The following CAMK2G variants were observed in gnomAD, a reference collection of about 807,000 sequenced individuals.
CAMK2G encodes calcium/calmodulin dependent protein kinase II gamma.
Under a neutral mutation model 88.7 loss-of-function variants are expected in CAMK2G, and 23 were observed. The observed-to-expected ratio is 0.26, with a 90% CI of 0.19 to 0.37. CAMK2G has a LOEUF of 0.37. CAMK2G is among the 10% of genes least tolerant of loss of function. The probability of loss-of-function intolerance (pLI) is 1.00; values close to 1 mark genes in which losing one functional copy is unlikely to be tolerated. For synonymous variants in CAMK2G, 263 were observed against 294.8 expected, an observed-to-expected ratio of 0.89 and a Z score of 1.11; for missense variants, 476 against 780.8, an observed-to-expected ratio of 0.61 and a Z score of 4.65.
chr10:73,820,037 G>A (rs1484945421), intron 18 of CAMK2G, among the ~76,000 whole-genome samples: 1 of 152,174 alleles, frequency 6.6e-6, no homozygotes, highest in Admixed American at 6.5e-5. Context: ...TCACTCACAG[G>A]GGCCTGGAGC....
Position 73,842,098 on chromosome 10 carries a change from C to A in CAMK2G, c.946+71G>T. On this transcript the variant is annotated intron_variant, in intron 12 of 22. Coordinates refer to ENST00000423381, the MANE Select transcript of CAMK2G (RefSeq NM_001367534.1). This position sits in a 1 kb window ranked among gnomAD's most constrained non-coding sequence, Gnocchi z 4.6. ...GACGCCGAGGAAACCCAGCGGTGCC[C>A]GGGATGGCAACAGCCCATTCCTGAT... is the stretch of plus-strand genomic sequence containing the variant. 15 of 1,261,506 alleles carry A rather than the reference C, an allele frequency of 1.2e-5. No individual in the cohort carries two copies. Among genetic ancestry groups the A allele is most frequent in the Non-Finnish European group, 1.7e-5 (15 of 858,456 alleles). The allele number at this position is 1,261,506 out of a possible 1,614,324, so 78.1% of individuals were successfully genotyped here.
At chr10:73,827,075 G>A (rs2091177212) in intron 15 of CAMK2G, among the ~76,000 whole-genome samples, 1 of 152,190 alleles carries the variant, frequency 6.6e-6, no homozygotes, top group African/African-American at 2.4e-5. Context: ...GTTAGAGAGG[G>A]CTGCCCTACC....
At chr10:73,851,346 G>A (rs2094599550) in intron 5 of CAMK2G, among the ~76,000 whole-genome samples, 1 of 152,190 alleles carries the variant, frequency 6.6e-6, no homozygotes, top group African/African-American at 2.4e-5. Flanking sequence ...GAGAGCGTGG[G>A]TGAGGGAGGC....
In CAMK2G at chr10:73,874,482, G is replaced by A; in HGVS notation, c.-21C>T. ...GCCATGCTGGCGGGCGGGCGGACGC[G>A]GCGGTGCAGCCCGCGCCGACGTCGG... On this transcript the variant is annotated 5_prime_UTR_variant, in exon 1 of 23. Coordinates refer to ENST00000423381, the MANE Select transcript of CAMK2G (RefSeq NM_001367534.1). 5 of 1,478,704 alleles carry A rather than the reference G, an allele frequency of 3.4e-6. No homozygotes were observed. The highest frequency in any genetic ancestry group is 2.6e-5 in the South Asian group (2 of 76,844). 91.6% of individuals were successfully genotyped at this position (1,478,704 alleles called of 1,614,324 possible). A position where few individuals can be genotyped will look rare whatever the true frequency, so the allele number is the denominator to read the frequency against.
chr10:73,866,851 A>G (rs1301143127), intron 2 of CAMK2G, among the ~76,000 whole-genome samples: 1 of 152,182 alleles, frequency 6.6e-6, no homozygotes, highest in Non-Finnish European at 1.5e-5. Context: ...CCAGCTGCTT[A>G]TGCACAGCCC....
Position 73,819,548 on chromosome 10 carries a change from A to T in CAMK2G, c.1347T>A (p.Ser449=). 1 of 1,549,358 alleles carries T rather than the reference A, an allele frequency of 6.5e-7. No individual in the cohort carries two copies. The highest frequency in any genetic ancestry group is 8.7e-7 in the Non-Finnish European group (1 of 1,146,398). ...CACACTTACTGGCTGAGGAGCAGAG[A>T]GAAGGCTGGGGCTGCATGCCTGCAG... The part of the protein sequence containing the change: ...APSAGMQPQP[S]LCSSAMRKQE... The change falls in exon 19 of 23, where the codon TCT becomes TCA. Residue 449 remains serine (S), a synonymous_variant. Coordinates refer to ENST00000423381, the MANE Select transcript of CAMK2G (RefSeq NM_001367534.1).
intron 21 of CAMK2G, chr10:73,816,604 G>A (rs1180895654): frequency 6.7e-6 from 4 of 595,700 alleles, no homozygotes; most frequent in Non-Finnish European, 1.0e-5. Context: ...GGGACTACAG[G>A]CACCGCCACC....
chr10:73,862,294 TCCACC>T lies in CAMK2G; in HGVS notation c.161-1410_161-1406del, dbSNP rs1458751996. ...GTAGACTGTGACTTCTCCCTCCTACTCCACCCCCCCCCCCCCCGATTTCCCAATGC... is the reference window on the plus strand; with the variant it reads ...GTAGACTGTGACTTCTCCCTCCTACTCCCCCCCCCCCCGATTTCCCAATGC... On this transcript the variant is annotated intron_variant, in intron 2 of 22. Transcript: ENST00000423381. Among the ~76,000 whole-genome samples the T allele has an allele frequency of 1.5e-4, 7 of 46,464 alleles. 1 individual carries two copies. In the Admixed American group the frequency reaches 2.0e-3, roughly 13 times the overall value. The allele number at this position is 46,464 out of a possible 152,430, so 30.5% of individuals were successfully genotyped here.
chr10:73,842,785 G>A lies in CAMK2G; in HGVS notation c.820-244C>T, dbSNP rs1012363089. Among the ~76,000 whole-genome samples the A allele has an allele frequency of 6.6e-6, 1 of 152,210 alleles. No homozygotes were observed. The highest frequency in any genetic ancestry group is 1.5e-5 in the Non-Finnish European group (1 of 68,038). On this transcript the variant is annotated intron_variant, in intron 10 of 22. Transcript: ENST00000423381. This position sits in a 1 kb window ranked among gnomAD's most constrained non-coding sequence, Gnocchi z 4.6. ...TAACGGATGCTAGACGGGCTGCTGA[G>A]AGACCGTCCTATTCTTCCTTGGGAA... is the stretch of plus-strand genomic sequence containing the variant.
intron 14 of CAMK2G, among the ~76,000 whole-genome samples, chr10:73,830,966 T>A (rs2092332832): frequency 1.3e-5 from 2 of 152,182 alleles, no homozygotes; most frequent in African/African-American, 4.8e-5. Context: ...GAAGAATCCA[T>A]GATGCTGAAA....
At chr10:73,853,162 G>GC (rs780300834) in intron 4 of CAMK2G, 30 bp downstream of exon 4, 1 of 1,605,766 alleles carries the variant, frequency 6.2e-7, no homozygotes, top group African/African-American at 1.3e-5. Context: ...AGAGGGAAAG[G>GC]CCCCCACACC....
chr10:73,817,562 G>A lies in CAMK2G; in HGVS notation c.1364-8C>T, dbSNP rs1177644591. ...TGATCTCCTGTTTTCGCACTGTGGGGGAGAAAAATCCATCAATTTACCTAC... is the reference window on the plus strand; with the variant it reads ...TGATCTCCTGTTTTCGCACTGTGGGAGAGAAAAATCCATCAATTTACCTAC... On this transcript the variant is annotated splice_region_variant and splice_polypyrimidine_tract_variant and intron_variant, in intron 19 of 22. Coordinates refer to ENST00000423381, the MANE Select transcript of CAMK2G (RefSeq NM_001367534.1). The A allele has an allele frequency of 1.2e-6, 2 of 1,604,970 alleles. No individual in the cohort carries two copies. Among genetic ancestry groups the A allele is most frequent in the Non-Finnish European group, 1.7e-6 (2 of 1,171,800 alleles).
intron 1 of CAMK2G, among the ~76,000 whole-genome samples, chr10:73,874,196 C>A (rs866628803): frequency 6.9e-6 from 1 of 144,220 alleles, no homozygotes; most frequent in Non-Finnish European, 1.5e-5. Context: ...GCAGCGGCCC[C>A]GCCAGTTGCT....
At chr10:73,850,758 G>C (rs935920592) in intron 5 of CAMK2G, among the ~76,000 whole-genome samples, 1 of 152,208 alleles carries the variant, frequency 6.6e-6, no homozygotes, top group Non-Finnish European at 1.5e-5. Flanking sequence ...AGAACCAAGG[G>C]GTCGTACTGG....
In CAMK2G at chr10:73,842,520, T is replaced by C; in HGVS notation, c.841A>G (p.Met281Val). The C allele has an allele frequency of 1.2e-6, 2 of 1,613,274 alleles. No individual in the cohort carries two copies. Among genetic ancestry groups the C allele is most frequent in the Non-Finnish European group, 1.7e-6 (2 of 1,179,234 alleles). The change falls in exon 11 of 23, where the codon ATG (methionine) becomes GTG (valine). Residue 281 changes from methionine (M) to valine (V), a missense_variant. Transcript: ENST00000423381. The surrounding 1 kb of genome is among the most constrained non-coding windows in gnomAD (Gnocchi z 4.6). The stretch of plus-strand genomic sequence containing the variant: ...TCCACAGTCTCCTGACGATGCATCA[T>C]GGATGCCACCGTGGATCGTTGCTAG... ...WVCQRSTVAS[M>V]MHRQETVECL...
Position 73,842,581 on chromosome 10 carries a change from TC to T in CAMK2G, c.820-41del. ...GACAGGCTATGAGCCCCAGCCCAGA[TC>T]CTCTGCGCCTCCCACAGTCCTGGCA... On this transcript the variant is annotated intron_variant, in intron 10 of 22. Transcript: ENST00000423381. This position sits in a 1 kb window ranked among gnomAD's most constrained non-coding sequence, Gnocchi z 4.6. The T allele has an allele frequency of 7.0e-7, 1 of 1,438,070 alleles. No individual in the cohort carries two copies. Among genetic ancestry groups the T allele is most frequent in the Non-Finnish European group, 9.8e-7 (1 of 1,020,450 alleles). 89.1% of individuals were successfully genotyped at this position (1,438,070 alleles called of 1,614,324 possible).
chr10:73,858,817 A>G (rs1277381552), intron 3 of CAMK2G, among the ~76,000 whole-genome samples: 1 of 152,240 alleles, frequency 6.6e-6, no homozygotes, highest in African/African-American at 2.4e-5. Flanking sequence ...AAAGACACCT[A>G]GGGCTTTTTT....
chr10:73,842,621 C>G lies in CAMK2G; in HGVS notation c.820-80G>C. On this transcript the variant is annotated intron_variant, in intron 10 of 22. Transcript: ENST00000423381. The surrounding 1 kb of genome is among the most constrained non-coding windows in gnomAD (Gnocchi z 4.6). ...ACAGTCCTGGCACCGATACCATGCC[C>G]AGGACAGGGTCATGCACTCAGCCAC... 1.9e-6 allele frequency: 2 copies of G among 1,029,150 alleles called. No homozygotes were observed. The highest frequency in any genetic ancestry group is 3.1e-6 in the Non-Finnish European group (2 of 654,504). 63.8% of individuals were successfully genotyped at this position (1,029,150 alleles called of 1,614,324 possible). A position where few individuals can be genotyped will look rare whatever the true frequency, so the allele number is the denominator to read the frequency against.
At position 73,817,661 on chromosome 10, in the gene CAMK2G, A is replaced by T. The variant is rs916461365; in HGVS notation, c.1364-107T>A. The T allele has an allele frequency of 1.1e-5, 8 of 754,902 alleles. No individual in the cohort carries two copies. In the African/African-American group the frequency reaches 1.2e-4, roughly 11 times the overall value. The allele number at this position is 754,902 out of a possible 1,614,324, so 46.8% of individuals were successfully genotyped here. A position where few individuals can be genotyped will look rare whatever the true frequency, so the allele number is the denominator to read the frequency against. ...CCCTGTGATCGCTTATGACAAAGAC[A>T]TCCCTCTTCTCTGTCTCTAGGGCCC... On this transcript the variant is annotated intron_variant, in intron 19 of 22. Transcript: ENST00000423381.
Sources: allele counts gnomAD v4.1 joint callset (sites outside exome capture counted in the v4.1 genomes callset), GRCh38; gene constraint gnomAD v4.1.1; non-coding constraint Gnocchi (gnomAD v3.1); transcripts MANE v1.5; gene names NCBI Gene and HGNC (gene_info 2026-07-23, HGNC 2026-07-21).